ATF6B: variants seen among roughly 807,000 people sequenced by gnomAD.
ATF6B encodes the protein activating transcription factor 6 beta.
ATF6B carries 50 observed loss-of-function variants against 83.5 expected under a neutral mutation model. The ratio of observed to expected loss-of-function variants is 0.60; its 90% CI spans 0.48 to 0.76. ATF6B has a LOEUF of 0.76. Ranked by LOEUF, ATF6B falls within the 30% of genes least tolerant of loss-of-function variation. The probability of loss-of-function intolerance (pLI) is 0.00; values close to 1 mark genes in which losing one functional copy is unlikely to be tolerated. For missense variants in ATF6B, 790 were observed against 893.8 expected (o/e 0.88, Z 1.48); for synonymous variants, 344 against 362.8 (o/e 0.95, Z 0.59).
chr6:32,115,703 C>T lies in ATF6B; in HGVS notation c.*36G>A. 6.6e-7 allele frequency: 1 copy of T among 1,522,506 alleles called. No homozygotes were observed. Among genetic ancestry groups the T allele is most frequent in the Non-Finnish European group, 8.9e-7 (1 of 1,126,222 alleles). 94.3% of individuals were successfully genotyped at this position (1,522,506 alleles called of 1,614,324 possible). On this transcript the variant is annotated 3_prime_UTR_variant, in exon 18 of 18. Coordinates refer to ENST00000375203, the MANE Select transcript of ATF6B (RefSeq NM_004381.5). ...AGTCCCACCTGGCCACCTGGTACCC[C>T]CTCCCCCCGTTCTAAGTCAGTGTGA...
In ATF6B at chr6:32,121,052, C is replaced by T. The variant is rs752224723; in HGVS notation, c.637G>A (p.Val213Ile). ...ACAGCTCCAAGTGAGGGGGCTGGGA[C>T]ATCCCACAGGAGGCATCCTGAAGGG... ...LSPSGCLLWD[V>I]PAPSLGAVQI... Residue 213 changes from valine (V) to isoleucine (I), a missense_variant, in exon 7 of 18, where the codon GTC becomes ATC. Val to Ile is a conservative substitution (Grantham distance 29, BLOSUM62 3). Around this residue, in one of 3 missense-constraint regions of ATF6B, gnomAD observed 530 missense variants for 632.6 expected, o/e 0.84. Coordinates refer to ENST00000375203, the MANE Select transcript of ATF6B (RefSeq NM_004381.5). 1 of 1,556,870 alleles carries T rather than the reference C, an allele frequency of 6.4e-7. No individual in the cohort carries two copies. Among genetic ancestry groups the T allele is most frequent in the Non-Finnish European group, 8.7e-7 (1 of 1,154,846 alleles).
rs570667754 is a variant in ATF6B, at chr6:32,117,800, C to T, written c.1424+59G>A. 1.7e-5 allele frequency: 26 copies of T among 1,564,278 alleles called. No homozygotes were observed. Among genetic ancestry groups the T allele is most frequent in the African/African-American group, 6.8e-5 (5 of 73,864 alleles). ...AGCTTTGGGTCCCCCTCACTGAAAGCGGGGAGAAGACCAACTCATACCCTC... is the reference window on the plus strand; with the variant it reads ...AGCTTTGGGTCCCCCTCACTGAAAGTGGGGAGAAGACCAACTCATACCCTC... On this transcript the variant is annotated intron_variant, in intron 12 of 17. Transcript: ENST00000375203. The surrounding 1 kb of genome is among the most constrained non-coding windows in gnomAD (Gnocchi z 5.0).
chr6:32,127,254 A>G (rs1782020053), intron 3 of ATF6B, 60 bp from the exon 4 acceptor site: 1 of 1,483,764 alleles, frequency 6.7e-7, no homozygotes, highest in Non-Finnish European at 9.2e-7. Flanking sequence ...TCCAAAAAGT[A>G]CCCAAGGACA....
chr6:32,115,938 T>C lies in ATF6B; in HGVS notation c.1913A>G (p.Asp638Gly), dbSNP rs1562901037. The part of the protein sequence containing the change: ...ETLSGRGAPG[D>G]YEEMMQIECE... The stretch of plus-strand genomic sequence containing the variant: ...CTCGATCTGCATCATCTCCTCATAG[T>C]CCCCCGGGGCCCCACGGCCTGACAG... The change falls in exon 18 of 18, where the codon GAC becomes GGC. Residue 638 changes from aspartate (D) to glycine (G), a missense_variant. Asp to Gly is a moderately conservative substitution (Grantham distance 94). Transcript: ENST00000375203. The C allele has an allele frequency of 5.0e-6, 8 of 1,613,270 alleles. No homozygotes were observed. The South Asian group carries it at 5.5e-5, about 11-fold the overall frequency.
chr6:32,116,108 A>G lies in ATF6B; in HGVS notation c.1883-140T>C. On this transcript the variant is annotated intron_variant, in intron 17 of 17. Coordinates refer to ENST00000375203, the MANE Select transcript of ATF6B (RefSeq NM_004381.5). This position sits in a 1 kb window ranked among gnomAD's most constrained non-coding sequence, Gnocchi z 5.1. ...AGTGAGGAGGCAGATCCATAGCGGG[A>G]GTTAAACAGGATGGCAGGGACAGAG... 1 of 661,376 alleles carries G rather than the reference A, an allele frequency of 1.5e-6. No individual in the cohort carries two copies. The highest frequency in any genetic ancestry group is 2.6e-6 in the Non-Finnish European group (1 of 387,672). The allele number at this position is 661,376 out of a possible 1,614,324, so 41.0% of individuals were successfully genotyped here.
chr6:32,119,684 C>T lies in ATF6B; in HGVS notation c.966+140G>A, dbSNP rs1174197802. On this transcript the variant is annotated intron_variant, in intron 9 of 17. Coordinates refer to ENST00000375203, the MANE Select transcript of ATF6B (RefSeq NM_004381.5). This position sits in a 1 kb window ranked among gnomAD's most constrained non-coding sequence, Gnocchi z 4.9. ...AGAAACAGGAGTCCATTCTGACCCT[C>T]AGAATGATCTAATGGGTCCGTTTCC... 1 of 1,274,276 alleles carries T rather than the reference C, an allele frequency of 7.8e-7. No homozygotes were observed. Among genetic ancestry groups the T allele is most frequent in the Non-Finnish European group, 1.1e-6 (1 of 925,272 alleles). 78.9% of individuals were successfully genotyped at this position (1,274,276 alleles called of 1,614,324 possible). A position where few individuals can be genotyped will look rare whatever the true frequency, so the allele number is the denominator to read the frequency against.
Position 32,119,448 on chromosome 6 carries a change from G to A in ATF6B, c.967-307C>T, listed in dbSNP as rs1781665901. Reference sequence around the variant, plus strand: ...TCTTCCTGTCAGCCCACATTTGTAGGGTTCAAAGTTTAACCTTGTTATACT... The same window carrying A: ...TCTTCCTGTCAGCCCACATTTGTAGAGTTCAAAGTTTAACCTTGTTATACT... On this transcript the variant is annotated intron_variant, in intron 9 of 17. Transcript: ENST00000375203. The surrounding 1 kb of genome is among the most constrained non-coding windows in gnomAD (Gnocchi z 4.9). Among the ~76,000 whole-genome samples, 1 of 152,128 alleles carries A rather than the reference G, an allele frequency of 6.6e-6. No homozygotes were observed.
At position 32,126,252 on chromosome 6, in the gene ATF6B, C is replaced by G. The variant is rs776419344; in HGVS notation, c.343G>C (p.Ala115Pro). The G allele has an allele frequency of 1.2e-6, 2 of 1,613,596 alleles. No homozygotes were observed. The highest frequency in any genetic ancestry group is 2.2e-5 in the East Asian group (1 of 44,890). ...SRLSTEPSSE[A>P]LGVGEVLHVK... ...TGGAGCACCTCCCCTACCCCAAGAG[C>G]CTGGGTGAGAGTTGGTGTGGGGCAG... Residue 115 changes from alanine to proline, a missense_variant and splice_region_variant, in exon 5 of 18, where the codon GCT (alanine) becomes CCT (proline). Transcript: ENST00000375203.
rs1290895613 is a variant in ATF6B, at chr6:32,115,766, G to A, written c.2085C>T (p.His695=). 3.1e-6 allele frequency: 5 copies of A among 1,609,056 alleles called. No homozygotes were observed. In the East Asian group the frequency reaches 8.9e-5, roughly 29 times the overall value. Residue 695 remains histidine (H), a synonymous_variant, in exon 18 of 18, where the codon CAC becomes CAT. Transcript: ENST00000375203. The part of the protein sequence containing the change: ...SAASQAHQAS[H]QPLYLNHP ...AGGGATGATTGAGGTAGAGGGGCTG[G>A]TGGGAGGCCTGGTGGGCCTGGCTGG...
At chr6:32,123,279 A>G (rs1249070027) in intron 5 of ATF6B, among the ~76,000 whole-genome samples, 1 of 151,196 alleles carries the variant, frequency 6.6e-6, no homozygotes, top group African/African-American at 2.4e-5. Flanking sequence ...ATGATGTATT[A>G]TAACCCTCAC....
chr6:32,117,636 G>A lies in ATF6B; in HGVS notation c.1483C>T (p.Leu495Phe), dbSNP rs776559694. The A allele has an allele frequency of 1.5e-5, 25 of 1,614,116 alleles. No homozygotes were observed. Among genetic ancestry groups the A allele is most frequent in the Non-Finnish European group, 1.9e-5 (23 of 1,180,044 alleles). Residue 495 changes from leucine to phenylalanine, a missense_variant, in exon 13 of 18, where the codon CTC becomes TTC. This residue lies in a region of ATF6B where 530 missense variants were observed against 632.6 expected (regional missense o/e 0.84). Coordinates refer to ENST00000375203, the MANE Select transcript of ATF6B (RefSeq NM_004381.5). The surrounding 1 kb of genome is among the most constrained non-coding windows in gnomAD (Gnocchi z 5.0). ...KELLLRDLDQ[L>F]FLSSDCRHFN... is the part of the protein sequence containing the mutation. ...TGCCGGCAATCAGAGGAGAGGAAGA[G>A]CTGGTCTAGGTCTCTTAGTAGTAGC...
Position 32,116,233 on chromosome 6 carries a change from G to A in ATF6B, c.1882+247C>T, listed in dbSNP as rs1781524824. 6.6e-6 allele frequency among the ~76,000 whole-genome samples: 1 copy of A among 152,114 alleles called. No individual in the cohort carries two copies. Among genetic ancestry groups the A allele is most frequent in the South Asian group, 2.1e-4 (1 of 4,828 alleles). On this transcript the variant is annotated intron_variant, in intron 17 of 17. Coordinates refer to ENST00000375203, the MANE Select transcript of ATF6B (RefSeq NM_004381.5). The surrounding 1 kb of genome is among the most constrained non-coding windows in gnomAD (Gnocchi z 5.1). ...AGAGAAAAAAGTAAGTGAGAGTCTA[G>A]CAGGTTCCCGGCCCCCCGCCTCTGC...
chr6:32,127,866 CTTGAAAAGTGATACAACCAGGGCGCT>C, intron 1 of ATF6B, 116 bp from the exon 2 acceptor site: 1 of 1,213,222 alleles, frequency 8.2e-7, no homozygotes, highest in East Asian at 2.4e-5. Context: ...CGCCCGCCCA[CTTGAAAAGTGATACAACCAGGGCGCT>C]TCAGCCCCTC....
rs1452542846 is a variant in ATF6B, at chr6:32,118,901, A to C, written c.1153-35T>G. 6.2e-7 allele frequency: 1 copy of C among 1,614,174 alleles called. No homozygotes were observed. Among genetic ancestry groups the C allele is most frequent in the Non-Finnish European group, 8.5e-7 (1 of 1,180,024 alleles). On this transcript the variant is annotated intron_variant, in intron 10 of 17. Transcript: ENST00000375203. This position sits in a 1 kb window ranked among gnomAD's most constrained non-coding sequence, Gnocchi z 5.2. ...AAAGAAGGAGACAAGAAAAAGGGGAATCATTCCAAGGAGGCTGTATTCCTG... is the reference window on the plus strand; with the variant it reads ...AAAGAAGGAGACAAGAAAAAGGGGACTCATTCCAAGGAGGCTGTATTCCTG...
In ATF6B at chr6:32,118,785, C is replaced by T. The variant is rs201341860; in HGVS notation, c.1234G>A (p.Gly412Arg). ...VFLLFIAFNF[G>R]PVSISEPPSA... The stretch of plus-strand genomic sequence containing the variant: ...CAAGGAAGGTCTCACCTGACAGGTC[C>T]AAAGTTGAAGGCAATGAAGAGAAGG... Residue 412 changes from glycine (G) to arginine (R), a missense_variant, in exon 11 of 18, where the codon GGA becomes AGA. Transcript: ENST00000375203. This position sits in a 1 kb window ranked among gnomAD's most constrained non-coding sequence, Gnocchi z 5.2. 1 of 1,614,232 alleles carries T rather than the reference C, an allele frequency of 6.2e-7. No individual in the cohort carries two copies. The highest frequency in any genetic ancestry group is 8.5e-7 in the Non-Finnish European group (1 of 1,180,038).
rs758684354 is a variant in ATF6B, at chr6:32,119,949, C to G, written c.841G>C (p.Val281Leu). The change falls in exon 9 of 18, where the codon GTT (valine) becomes CTT (leucine). Residue 281 changes from valine to leucine, a missense_variant. Transcript: ENST00000375203. This position sits in a 1 kb window ranked among gnomAD's most constrained non-coding sequence, Gnocchi z 4.9. ...SLVQPPPVSP[V>L]VLIQGAIRVQ... ...CGAATAGCACCCTGGATGAGGACAA[C>G]TGGGGACACTGGGGCAAGTGAGCAG... is the stretch of plus-strand genomic sequence containing the variant. 1 of 1,613,938 alleles carries G rather than the reference C, an allele frequency of 6.2e-7. No homozygotes were observed. The highest frequency in any genetic ancestry group is 1.1e-5 in the South Asian group (1 of 91,060).
chr6:32,122,247 CCCAGGCA>C (rs1427824317), intron 5 of ATF6B, among the ~76,000 whole-genome samples: 1 of 152,190 alleles, frequency 6.6e-6, no homozygotes, highest in African/African-American at 2.4e-5. Flanking sequence ...AAGTTTTCCT[CCCAGGCA>C]CCAAACAGCA....
chr6:32,116,529 C>G lies in ATF6B; in HGVS notation c.1833G>C (p.Lys611Asn). 6.2e-7 allele frequency: 1 copy of G among 1,603,670 alleles called. No individual in the cohort carries two copies. Among genetic ancestry groups the G allele is most frequent in the Non-Finnish European group, 8.5e-7 (1 of 1,174,360 alleles). ...HLLLPAISHN[K>N]TSRPKMSLVM... ...CCAGGGACATCTTGGGCCGGGAGGT[C>G]TTGTTGTGGCTGATGGCTGGGAGCA... Residue 611 changes from lysine (K) to asparagine (N), a missense_variant, in exon 17 of 18, where the codon AAG (lysine) becomes AAC (asparagine). Transcript: ENST00000375203. The surrounding 1 kb of genome is among the most constrained non-coding windows in gnomAD (Gnocchi z 5.1).
Position 32,118,149 on chromosome 6 carries a change from G to T in ATF6B, c.1245-111C>A. The T allele has an allele frequency of 7.7e-7, 1 of 1,290,768 alleles. No homozygotes were observed. The highest frequency in any genetic ancestry group is 1.1e-6 in the Non-Finnish European group (1 of 913,880). The allele number at this position is 1,290,768 out of a possible 1,614,324, so 80.0% of individuals were successfully genotyped here. A position where few individuals can be genotyped will look rare whatever the true frequency, so the allele number is the denominator to read the frequency against. ...GCTTGAGTTGCAATCTGTTATACAAGCCTGAGTCTGCCTCTGTAAGATGGG... is the reference window on the plus strand; with the variant it reads ...GCTTGAGTTGCAATCTGTTATACAATCCTGAGTCTGCCTCTGTAAGATGGG... On this transcript the variant is annotated intron_variant, in intron 11 of 17. Coordinates refer to ENST00000375203, the MANE Select transcript of ATF6B (RefSeq NM_004381.5). The surrounding 1 kb of genome is among the most constrained non-coding windows in gnomAD (Gnocchi z 5.2).
Sources: allele counts gnomAD v4.1 joint callset (sites outside exome capture counted in the v4.1 genomes callset), GRCh38; gene constraint gnomAD v4.1.1; regional missense constraint gnomAD v4.1.1; non-coding constraint Gnocchi (gnomAD v3.1); transcripts MANE v1.5; gene names NCBI Gene and HGNC (gene_info 2026-07-23, HGNC 2026-07-21).